The following TNNI3K variants were observed in gnomAD, a reference collection of about 807,000 sequenced individuals.
TNNI3K encodes TNNI3 interacting kinase, also known as serine/threonine-protein kinase TNNI3K.
A neutral mutation model predicts 114.5 loss-of-function variants in TNNI3K; 140 were observed. The ratio of observed to expected loss-of-function variants is 1.22; its 90% CI spans 1.07 to 1.41. TNNI3K has a LOEUF of 1.41. Among genes scored for constraint, TNNI3K ranks in the 40% most tolerant of loss-of-function variants. The pLI, the probability that TNNI3K is intolerant of heterozygous loss-of-function variation, is 0.00. For synonymous variants in TNNI3K, 347 were observed against 347.5 expected, an observed-to-expected ratio of 1.00 and a Z score of 0.02; for missense variants, 1,125 against 1,007.6, an observed-to-expected ratio of 1.12 and a Z score of -1.58.
chr1:74,504,638 TA>T (rs201485160), intron 23 of TNNI3K, among the ~76,000 whole-genome samples: 32 of 152,054 alleles, frequency 2.1e-4, no homozygotes, highest in Middle Eastern at 3.4e-3. Context: ...TTGACACCTT[TA>T]AAAAAAATTT....
At chr1:74,238,102 A>G (rs1004633577) in intron 2 of TNNI3K, among the ~76,000 whole-genome samples, 6 of 152,128 alleles carry the variant, frequency 3.9e-5, no homozygotes, top group African/African-American at 1.2e-4. Flanking sequence ...AGCATAGTTA[A>G]GTAAAGGTGT....
At position 74,376,813 on chromosome 1, in the gene TNNI3K, C is replaced by A. The variant is rs140943938; in HGVS notation, c.1772+6421C>A. ...ACTTTCCTGAAGAATCATTTGGGGG[C>A]CTTCATTAAAAAAAAAAATAAAAGA... On this transcript the variant is annotated intron_variant, in intron 17 of 24. Coordinates refer to ENST00000326637, the MANE Select transcript of TNNI3K (RefSeq NM_015978.3). 4.1e-3 allele frequency: 619 copies of A among 149,244 alleles called. 6 individuals are homozygous for A. The highest frequency in any genetic ancestry group is 0.014 in the African/African-American group (567 of 39,898). The allele number at this position is 149,244 out of a possible 1,614,324, so 9.2% of individuals were successfully genotyped here.
At chr1:74,332,597 G>T (rs564016315) in intron 6 of TNNI3K, among the ~76,000 whole-genome samples, 2 of 152,106 alleles carry the variant, frequency 1.3e-5, no homozygotes, top group Non-Finnish European at 1.5e-5. Context: ...ACCATGCCCA[G>T]CCTATTTGCC....
intron 4 of TNNI3K, among the ~76,000 whole-genome samples, chr1:74,257,980 C>G (rs1655433092): frequency 6.6e-6 from 1 of 152,046 alleles, no homozygotes; most frequent in South Asian, 2.1e-4. Flanking sequence ...TCTCGGCATA[C>G]CTCTTATTCC....
chr1:74,385,540 A>G (rs770648923), intron 17 of TNNI3K, among the ~76,000 whole-genome samples: 2 of 152,214 alleles, frequency 1.3e-5, no homozygotes, highest in Non-Finnish European at 2.9e-5. Flanking sequence ...AGAAATAATC[A>G]TCTGCCAAAT....
chr1:74,475,550 C>G, intron 21 of TNNI3K: 1 of 717,404 alleles, frequency 1.4e-6, no homozygotes, highest in Admixed American at 2.0e-5. Flanking sequence ...GACTCAGAGG[C>G]CGATGTTGCT....
chr1:74,480,011 C>A, intron 21 of TNNI3K: 1 of 603,598 alleles, frequency 1.7e-6, no homozygotes, highest in Non-Finnish European at 3.0e-6. Context: ...GCCAAATCAG[C>A]TAATATCCTC....
At chr1:74,356,930 GAC>G (rs1249177690) in intron 11 of TNNI3K, among the ~76,000 whole-genome samples, 2 of 152,162 alleles carry the variant, frequency 1.3e-5, no homozygotes, top group African/African-American at 4.8e-5. Context: ...TTGCTCAGAA[GAC>G]AGATGGATGT....
intron 22 of TNNI3K, among the ~76,000 whole-genome samples, chr1:74,491,847 G>T (rs1302501421): frequency 1.3e-5 from 2 of 152,162 alleles, no homozygotes; most frequent in Non-Finnish European, 2.9e-5. Context: ...TGGGCCTACT[G>T]TGTTTTTAGA....
chr1:74,381,229 G>T (rs1243109157), intron 17 of TNNI3K, among the ~76,000 whole-genome samples: 1 of 152,106 alleles, frequency 6.6e-6, no homozygotes, highest in African/African-American at 2.4e-5. Flanking sequence ...GACGGCATGG[G>T]CTCTGAAGCC....
At chr1:74,400,201 A>C (rs1245070237) in intron 17 of TNNI3K, among the ~76,000 whole-genome samples, 1 of 152,204 alleles carries the variant, frequency 6.6e-6, no homozygotes, top group African/African-American at 2.4e-5. Context: ...AGGAATAGAC[A>C]TCTGAGGAAG....
intron 5 of TNNI3K, among the ~76,000 whole-genome samples, chr1:74,322,617 C>A (rs952223855): frequency 1.3e-5 from 2 of 151,924 alleles, no homozygotes; most frequent in African/African-American, 4.8e-5. Context: ...CACATCGCCA[C>A]GCCCAGCTAA....
intron 17 of TNNI3K, among the ~76,000 whole-genome samples, chr1:74,414,542 A>T (rs541196579): frequency 6.6e-6 from 1 of 152,182 alleles, no homozygotes; most frequent in Non-Finnish European, 1.5e-5. Flanking sequence ...ATGTACCTGT[A>T]TATTAGCATA....
intron 4 of TNNI3K, among the ~76,000 whole-genome samples, chr1:74,257,179 G>A (rs1655366115): frequency 6.6e-6 from 1 of 151,960 alleles, no homozygotes; most frequent in South Asian, 2.1e-4. Context: ...ATCCACCAGT[G>A]AATTATTCAT....
At chr1:74,406,572 G>A (rs1664624570) in intron 17 of TNNI3K, among the ~76,000 whole-genome samples, 1 of 152,080 alleles carries the variant, frequency 6.6e-6, no homozygotes, top group Non-Finnish European at 1.5e-5. Context: ...AAAGTTCTAT[G>A]TTTTTAAGGC....
chr1:74,480,915 T>C (rs564269662), intron 21 of TNNI3K: 38 of 717,328 alleles, frequency 5.3e-5, no homozygotes, highest in South Asian at 2.1e-4. Context: ...GTGCTCTCAA[T>C]AGAGGAGAGA....
In TNNI3K at chr1:74,249,517, C is replaced by T. The variant is rs1557448374; in HGVS notation, c.208C>T (p.Leu70=). ...TTACCGCACTGAAAATGGGCTGTCT[C>T]TACTTCATTTATGTTGCATTTGTGG... ...LNYRTENGLS[L]LHLCCICGGK... is the part of the protein sequence containing the mutation. The change falls in exon 3 of 25, where the codon CTA becomes TTA. Residue 70 remains leucine (L), a synonymous_variant. Coordinates refer to ENST00000326637, the MANE Select transcript of TNNI3K (RefSeq NM_015978.3). 2 of 1,613,430 alleles carry T rather than the reference C, an allele frequency of 1.2e-6. No individual in the cohort carries two copies. Among genetic ancestry groups the T allele is most frequent in the Admixed American group, 1.7e-5 (1 of 59,974 alleles).
chr1:74,370,840 G>T (rs1662557664), intron 17 of TNNI3K: 1 of 152,190 alleles, frequency 6.6e-6, no homozygotes, highest in Admixed American at 6.6e-5. Flanking sequence ...AGGTAAAGAG[G>T]ATTTCATGTG....
At chr1:74,337,148 C>A (rs377241681) in intron 7 of TNNI3K, among the ~76,000 whole-genome samples, 2 of 151,916 alleles carry the variant, frequency 1.3e-5, no homozygotes, top group Non-Finnish European at 2.9e-5. Context: ...TAAATGTCTT[C>A]TTTTGAGAAG....
Sources: gnomAD v4.1 joint callset for allele counts (sites outside exome capture counted in the v4.1 genomes callset) on GRCh38, gnomAD v4.1.1 for gene constraint, MANE v1.5 for transcripts, NCBI Gene and HGNC (gene_info 2026-07-23, HGNC 2026-07-21) for gene names.